NAMPT: variants seen among roughly 807,000 people sequenced by gnomAD.
NAMPT encodes the protein nicotinamide phosphoribosyltransferase.
Under a neutral mutation model 58.7 loss-of-function variants are expected in NAMPT, and 7 were observed. That is an observed-to-expected ratio of 0.12 (90% confidence interval 0.07 to 0.22). The LOEUF (loss-of-function observed/expected upper bound fraction) is 0.22. Among genes scored for constraint, NAMPT ranks in the 10% least tolerant of loss-of-function variants. The pLI, the probability that NAMPT is intolerant of heterozygous loss-of-function variation, is 1.00. For missense variants in NAMPT, 271 were observed against 567.9 expected, an observed-to-expected ratio of 0.48 and a Z score of 5.31; for synonymous variants, 145 against 198.1, an observed-to-expected ratio of 0.73 and a Z score of 2.25.
chr7:106,251,746 G>A (rs982074837), intron 10 of NAMPT, among the ~76,000 whole-genome samples: 20 of 152,096 alleles, frequency 1.3e-4, no homozygotes, highest in Non-Finnish European at 4.4e-5. Context: ...AACACACAGT[G>A]ACTGGGTTAA....
At position 106,254,349 on chromosome 7, in the gene NAMPT, T is replaced by C. The variant is rs759991383; in HGVS notation, c.1230+15A>G. Reference sequence around the variant, plus strand: ...AGGAAGGTAGTAACACAGAAGTAATTAAAAGGTGACATACCCCAAGGCCAT... The same window carrying C: ...AGGAAGGTAGTAACACAGAAGTAATCAAAAGGTGACATACCCCAAGGCCAT... On this transcript the variant is annotated intron_variant, in intron 9 of 10. Transcript: ENST00000222553. The C allele has an allele frequency of 1.2e-6, 2 of 1,613,120 alleles. No homozygotes were observed. The highest frequency in any genetic ancestry group is 8.5e-7 in the Non-Finnish European group (1 of 1,179,330).
At chr7:106,261,373 G>A (rs1792297627) in intron 8 of NAMPT, 2 of 422,244 alleles carry the variant, frequency 4.7e-6, no homozygotes, top group Non-Finnish European at 8.6e-6. Context: ...CATTCAGGGT[G>A]GCCAATGACA....
intron 7 of NAMPT, among the ~76,000 whole-genome samples, chr7:106,262,899 T>C (rs1342310375): frequency 1.3e-5 from 2 of 152,114 alleles, no homozygotes; most frequent in African/African-American, 2.4e-5. Context: ...AACCAAGTCC[T>C]TGAACATTAA....
intron 4 of NAMPT, 26 bp downstream of exon 4, chr7:106,272,504 A>G: frequency 6.3e-7 from 1 of 1,581,776 alleles, no homozygotes; most frequent in Non-Finnish European, 8.6e-7. Flanking sequence ...AATTAATGTT[A>G]AATAAGAATT....
At chr7:106,267,884 ATTTACT>A (rs1412032316) in intron 6 of NAMPT, among the ~76,000 whole-genome samples, 14 of 134,064 alleles carry the variant, frequency 1.0e-4, no homozygotes, top group African/African-American at 3.3e-4. Context: ...AAACAACCTG[ATTTACT>A]TTTAATAAAG....
chr7:106,259,496 T>C (rs1792265677), intron 8 of NAMPT, among the ~76,000 whole-genome samples: 1 of 152,252 alleles, frequency 6.6e-6, no homozygotes, highest in African/African-American at 2.4e-5. Context: ...GGCGTGATCT[T>C]GGCACACTAC....
intron 8 of NAMPT, among the ~76,000 whole-genome samples, chr7:106,259,676 G>T (rs1409908786): frequency 1.3e-5 from 2 of 152,058 alleles, no homozygotes; most frequent in African/African-American, 4.8e-5. Context: ...GCCTGTCTCG[G>T]TCTCCCAAAG....
At chr7:106,254,565 A>G in intron 8 of NAMPT, 61 bp from the exon 9 acceptor site, 2 of 1,539,348 alleles carry the variant, frequency 1.3e-6, no homozygotes, top group Non-Finnish European at 1.8e-6. Context: ...AATGGAGATT[A>G]TTTTCAAGGG....
intron 2 of NAMPT, 95 bp from the exon 3 acceptor site, chr7:106,275,144 A>G: frequency 2.9e-6 from 2 of 681,104 alleles, no homozygotes; most frequent in South Asian, 4.1e-5. Flanking sequence ...TATTTCACCC[A>G]TTCTATGGAT....
intron 1 of NAMPT, among the ~76,000 whole-genome samples, chr7:106,278,535 T>A (rs1222438528): frequency 6.6e-6 from 1 of 152,208 alleles, no homozygotes; most frequent in Non-Finnish European, 1.5e-5. Context: ...CAGGGACTGA[T>A]CCCACTTTAA....
upstream of NAMPT, chr7:106,285,480 G>A: frequency 2.2e-6 from 2 of 928,512 alleles, no homozygotes; most frequent in African/African-American, 1.8e-5. Context: ...CACGCCACCC[G>A]GCTAGGGGGC....
chr7:106,284,619 C>A (rs1315892196), intron 1 of NAMPT: 8 of 393,938 alleles, frequency 2.0e-5, no homozygotes, highest in Admixed American at 5.7e-5. Context: ...GCCCAGCCCT[C>A]CATCCTCCTC....
intron 8 of NAMPT, among the ~76,000 whole-genome samples, chr7:106,255,561 CTTCA>C (rs1792185265): frequency 6.6e-6 from 1 of 152,198 alleles, no homozygotes; most frequent in African/African-American, 2.4e-5. Flanking sequence ...TCCCAAGCAA[CTTCA>C]TTTTTAAACA....
chr7:106,257,895 G>T (rs780681461), intron 8 of NAMPT, among the ~76,000 whole-genome samples: 1 of 41,562 alleles, frequency 2.4e-5, no homozygotes, highest in African/African-American at 4.1e-5. Flanking sequence ...AGGGGGAGGG[G>T]TGTGTGTGTG....
intron 6 of NAMPT, 78 bp from the exon 7 acceptor site, chr7:106,263,695 A>G: frequency 9.7e-7 from 1 of 1,032,592 alleles, no homozygotes; most frequent in Non-Finnish European, 1.5e-6. Context: ...ATCATATCTC[A>G]TGTTTACTAT....
chr7:106,251,726 A>G (rs983419298), intron 10 of NAMPT, among the ~76,000 whole-genome samples: 3 of 152,132 alleles, frequency 2.0e-5, no homozygotes, highest in Non-Finnish European at 4.4e-5. Context: ...CAAGTATTGC[A>G]TTCTTGACTA....
chr7:106,254,067 A>T (rs942019195), intron 9 of NAMPT, among the ~76,000 whole-genome samples: 13 of 152,228 alleles, frequency 8.5e-5, no homozygotes, highest in African/African-American at 2.9e-4. Flanking sequence ...TTCCTACTCA[A>T]ATATTACTTT....
chr7:106,277,930 T>TAATATGGTTAAA (rs1476089293), intron 1 of NAMPT, among the ~76,000 whole-genome samples: 3 of 152,220 alleles, frequency 2.0e-5, no homozygotes, highest in Admixed American at 1.3e-4. Context: ...ATTATACTTT[T>TAATATGGTTAAA]AATATGGTTA....
intron 8 of NAMPT, among the ~76,000 whole-genome samples, chr7:106,260,384 G>A (rs1792282531): frequency 6.6e-6 from 1 of 152,196 alleles, no homozygotes; most frequent in African/African-American, 2.4e-5. Flanking sequence ...ACCTCTCTTA[G>A]GCTTCACAGA....
Sources: allele counts gnomAD v4.1 joint callset (sites outside exome capture counted in the v4.1 genomes callset), GRCh38; gene constraint gnomAD v4.1.1; transcripts MANE v1.5; gene names NCBI Gene and HGNC (gene_info 2026-07-23, HGNC 2026-07-21).